Variants in DMXL1 observed in about 807,000 individuals in gnomAD.
DMXL1 encodes dmX-like protein 1.
In DMXL1, 99 loss-of-function variants were observed where a neutral mutation model predicts 319.2. The ratio of observed to expected loss-of-function variants is 0.31; its 90% confidence interval spans 0.26 to 0.37. The LOEUF (loss-of-function observed/expected upper bound fraction) is 0.37. Among genes scored for constraint, DMXL1 ranks in the 10% least tolerant of loss-of-function variants. The pLI is 1.00. For missense variants in DMXL1, 3,745 were observed against 3,595.6 expected (o/e 1.04, Z -1.06); for synonymous variants, 1,385 against 1,235.2 (o/e 1.12, Z -2.54).
intron 42 of DMXL1, among the ~76,000 whole-genome samples, chr5:119,243,016 A>G (rs1301450280): frequency 6.6e-6 from 1 of 152,228 alleles, no homozygotes; most frequent in Non-Finnish European, 1.5e-5. Context: ...CTAATTGGAT[A>G]GAAGTCAGAA....
chr5:119,175,146 G>T, intron 25 of DMXL1, 115 bp from the exon 26 acceptor site: 3 of 602,884 alleles, frequency 5.0e-6, no homozygotes, highest in Non-Finnish European at 8.2e-6. Context: ...GTTCATGAAG[G>T]CAAAGAATCA....
chr5:119,175,519 C>G (rs1040748097), intron 26 of DMXL1, among the ~76,000 whole-genome samples, 182 bp downstream of exon 26: 4 of 151,990 alleles, frequency 2.6e-5, no homozygotes, highest in African/African-American at 9.7e-5. Flanking sequence ...ATCTCAAACC[C>G]TTATTCTGTA....
chr5:119,085,218 C>G (rs1238433183), intron 1 of DMXL1, among the ~76,000 whole-genome samples: 1 of 151,892 alleles, frequency 6.6e-6, no homozygotes, highest in African/African-American at 2.4e-5. Context: ...GTAGTCCTAG[C>G]TACTCGTGAG....
chr5:119,098,028 G>A lies in DMXL1; in HGVS notation c.137G>A (p.Arg46Lys), dbSNP rs139495158. The A allele has an allele frequency of 3.7e-6, 6 of 1,608,812 alleles. No homozygotes were observed. Among genetic ancestry groups the A allele is most frequent in the Non-Finnish European group, 5.1e-6 (6 of 1,178,598 alleles). ...GTAATACTGGGAAGCGATTTTGAAAGATTACAGATAATCCCAGGAGCTAAA... is the reference window on the plus strand; with the variant it reads ...GTAATACTGGGAAGCGATTTTGAAAAATTACAGATAATCCCAGGAGCTAAA... The part of the protein sequence containing the change: ...DIVILGSDFE[R>K]LQIIPGAKHG... The change falls in exon 2 of 44, where the codon AGA (arginine) becomes AAA (lysine). Residue 46 changes from arginine to lysine, a missense_variant. By Grantham distance (26) the Arg-to-Lys change is conservative. Around this residue, in one of 4 missense-constraint regions of DMXL1, gnomAD observed 2,096 missense variants for 1,985.4 expected, o/e 1.06. Transcript: ENST00000539542.
intron 6 of DMXL1, among the ~76,000 whole-genome samples, chr5:119,114,873 T>C (rs1482119211): frequency 1.3e-5 from 2 of 152,180 alleles, no homozygotes; most frequent in East Asian, 3.8e-4. Context: ...TTTCACCATA[T>C]TGGCCAGGCT....
chr5:119,075,812 G>A (rs965366337), intron 1 of DMXL1, among the ~76,000 whole-genome samples: 2 of 151,622 alleles, frequency 1.3e-5, no homozygotes, highest in South Asian at 2.1e-4. Flanking sequence ...TGATCCTCCC[G>A]CCTTGGCCTC....
chr5:119,174,270 A>G (rs1001303487), intron 25 of DMXL1, among the ~76,000 whole-genome samples: 1 of 152,158 alleles, frequency 6.6e-6, no homozygotes, highest in Non-Finnish European at 1.5e-5. Context: ...CAGGGGTTCA[A>G]GAGCAGCAAG....
intron 25 of DMXL1, 94 bp from the exon 26 acceptor site, chr5:119,175,167 C>G: frequency 1.2e-6 from 1 of 861,114 alleles, no homozygotes; most frequent in Non-Finnish European, 1.7e-6. Flanking sequence ...AAAATTTTTT[C>G]ATTCTTTTAA....
At chr5:119,207,737 AT>A (rs1256704635) in intron 34 of DMXL1, among the ~76,000 whole-genome samples, 1 of 152,014 alleles carries the variant, frequency 6.6e-6, no homozygotes, top group Non-Finnish European at 1.5e-5. Flanking sequence ...GGCCAGGCTG[AT>A]GTCAAACTCC....
At chr5:119,215,813 A>G (rs184709710) in intron 34 of DMXL1, among the ~76,000 whole-genome samples, 18 of 151,572 alleles carry the variant, frequency 1.2e-4, no homozygotes, top group Non-Finnish European at 1.8e-4. Flanking sequence ...GAAAGTTAGA[A>G]TGGCTGGGTG....
intron 13 of DMXL1, among the ~76,000 whole-genome samples, chr5:119,137,415 G>A (rs1246275988): frequency 6.6e-6 from 1 of 152,204 alleles, no homozygotes; most frequent in Non-Finnish European, 1.5e-5. Flanking sequence ...AATGCTGTAA[G>A]GAGTTAAGAC....
intron 35 of DMXL1, 129 bp downstream of exon 35, chr5:119,217,116 C>T (rs989389435): frequency 7.9e-6 from 4 of 503,544 alleles, no homozygotes; most frequent in African/African-American, 6.1e-5. Context: ...AATCTGGATA[C>T]TTTTTTAATT....
intron 35 of DMXL1, among the ~76,000 whole-genome samples, chr5:119,220,267 G>A (rs1367989074): frequency 2.0e-5 from 3 of 152,170 alleles, no homozygotes; most frequent in East Asian, 3.9e-4. Context: ...ATTTATACTG[G>A]CTTTCTATTG....
intron 21 of DMXL1, among the ~76,000 whole-genome samples, chr5:119,165,499 T>C (rs1773230992): frequency 6.6e-6 from 1 of 152,218 alleles, no homozygotes. Flanking sequence ...TTCAGATTTA[T>C]CAATCCAGAA....
Position 119,177,431 on chromosome 5 carries a change from C to T in DMXL1, c.6833C>T (p.Thr2278Ile). The change falls in exon 27 of 44, where the codon ACA becomes ATA. Residue 2278 changes from threonine (T) to isoleucine (I), a missense_variant. Transcript: ENST00000539542. ...VLLPHRPSLK[T>I]GSLDEALTPN... ...CTTCCTCATCGACCTTCTTTGAAAACAGGAAGCTTAGATGAAGCATTAACT... is the reference window on the plus strand; with the variant it reads ...CTTCCTCATCGACCTTCTTTGAAAATAGGAAGCTTAGATGAAGCATTAACT... 6.2e-7 allele frequency: 1 copy of T among 1,609,350 alleles called. No homozygotes were observed. Among genetic ancestry groups the T allele is most frequent in the Non-Finnish European group, 8.5e-7 (1 of 1,177,108 alleles).
chr5:119,178,452 A>T, intron 28 of DMXL1: 1 of 381,858 alleles, frequency 2.6e-6, no homozygotes, highest in Non-Finnish European at 3.6e-6. Flanking sequence ...ACCAATAATT[A>T]GAACGATCTT....
In DMXL1 at chr5:119,148,812, G is replaced by T. The variant is rs771907181; in HGVS notation, c.2985G>T (p.Glu995Asp). The change falls in exon 18 of 44, where the codon GAG becomes GAT. Residue 995 changes from glutamate (E) to aspartate (D), a missense_variant. Coordinates refer to ENST00000539542, the MANE Select transcript of DMXL1 (RefSeq NM_001290321.3). ...PYLLATSCSD[E>D]KVRFWRCRVT... ...TATTGGCAACTTCATGTTCAGATGA[G>T]AAAGTAAGATTCTGGAGATGCAGAG... 1.2e-6 allele frequency: 2 copies of T among 1,613,698 alleles called. No individual in the cohort carries two copies. The highest frequency in any genetic ancestry group is 1.7e-6 in the Non-Finnish European group (2 of 1,179,740).
At chr5:119,204,815 G>C (rs1250163924) in intron 33 of DMXL1, among the ~76,000 whole-genome samples, 2 of 152,190 alleles carry the variant, frequency 1.3e-5, no homozygotes, top group Non-Finnish European at 2.9e-5. Context: ...AGTTTTTGAA[G>C]TTGGAGGAAA....
chr5:119,103,310 T>A (rs1329807390), intron 3 of DMXL1, among the ~76,000 whole-genome samples: 1 of 152,242 alleles, frequency 6.6e-6, no homozygotes, highest in East Asian at 1.9e-4. Flanking sequence ...CTAAACTGTT[T>A]TAATAGCAGA....
Sources: gnomAD v4.1 joint callset for allele counts (sites outside exome capture counted in the v4.1 genomes callset) on GRCh38, gnomAD v4.1.1 for gene constraint, gnomAD v4.1.1 regional missense constraint, MANE v1.5 for transcripts, NCBI Gene and HGNC (gene_info 2026-07-23, HGNC 2026-07-21) for gene names.